The following SNX27 variants were observed in gnomAD, a reference collection of about 807,000 sequenced individuals.
SNX27 encodes sorting nexin 27.
SNX27 carries 22 observed loss-of-function variants against 71.6 expected under a neutral mutation model. The ratio of observed to expected loss-of-function variants is 0.31; its 90% CI spans 0.22 to 0.44. The LOEUF is 0.44. Ranked by LOEUF, SNX27 falls within the 20% of genes least tolerant of loss-of-function variation. The pLI is 1.00. For synonymous variants in SNX27, 269 were observed against 277.2 expected (o/e 0.97, Z 0.29); for missense variants, 531 against 698.6 (o/e 0.76, Z 2.70).
intron 1 of SNX27, among the ~76,000 whole-genome samples, chr1:151,638,386 A>G (rs907122658): frequency 6.6e-6 from 1 of 152,222 alleles, no homozygotes; most frequent in African/African-American, 2.4e-5. Context: ...ATGTAAAGGA[A>G]TTATCTTCAG....
At chr1:151,640,784 A>G (rs1668686662) in intron 2 of SNX27, among the ~76,000 whole-genome samples, 1 of 152,200 alleles carries the variant, frequency 6.6e-6, no homozygotes, top group African/African-American at 2.4e-5. Flanking sequence ...ACATAGTCTT[A>G]TAACCACCAC....
intron 1 of SNX27, among the ~76,000 whole-genome samples, chr1:151,624,081 GC>G (rs1431371453): frequency 6.6e-6 from 1 of 151,928 alleles, no homozygotes; most frequent in Admixed American, 6.6e-5. Flanking sequence ...TTCTGCCTCA[GC>G]CTCCTGAGTA....
chr1:151,693,684 G>A (rs1307094386), intron 11 of SNX27: 1 of 1,611,916 alleles, frequency 6.2e-7, no homozygotes, highest in African/African-American at 1.3e-5. Context: ...GTGCAAAAAA[G>A]CCCTGCTTCT....
intron 2 of SNX27, among the ~76,000 whole-genome samples, chr1:151,648,139 CT>C (rs1669144607): frequency 6.6e-6 from 1 of 152,146 alleles, no homozygotes; most frequent in Non-Finnish European, 1.5e-5. Context: ...CCTGCAACCT[CT>C]GCCTCCCAGG....
chr1:151,693,597 ATTAG>A lies in SNX27; in HGVS notation c.1578+119_1578+122del, dbSNP rs748138783. The stretch of plus-strand genomic sequence containing the variant: ...CCTCCATCTCTGTCTTTCTAGGAAT[ATTAG>A]TTAGAGACTGATTATCTCATGTGAG... On this transcript the variant is annotated intron_variant, in intron 11 of 11. Coordinates refer to ENST00000458013, the MANE Select transcript of SNX27 (RefSeq NM_001330723.2). 1.9e-5 allele frequency: 30 copies of A among 1,614,060 alleles called. No individual in the cohort carries two copies. Among genetic ancestry groups the A allele is most frequent in the Non-Finnish European group, 2.4e-5 (28 of 1,179,940 alleles).
At chr1:151,642,373 C>G (rs958919026) in intron 2 of SNX27, among the ~76,000 whole-genome samples, 16 of 145,290 alleles carry the variant, frequency 1.1e-4, no homozygotes, top group Admixed American at 1.4e-4. Context: ...GGCAACATCT[C>G]AAAAAAGAAA....
At chr1:151,683,249 A>C (rs1671047132) in intron 7 of SNX27, 107 bp from the exon 8 acceptor site, 6 of 802,402 alleles carry the variant, frequency 7.5e-6, no homozygotes, top group Non-Finnish European at 1.2e-5. Context: ...TGGTGGTCCA[A>C]GTGGATAAGA....
intron 2 of SNX27, among the ~76,000 whole-genome samples, chr1:151,651,850 C>T (rs931058473): frequency 2.6e-5 from 4 of 152,052 alleles, no homozygotes; most frequent in Non-Finnish European, 4.4e-5. Context: ...CCAAGGCAGG[C>T]GGCTGGGAGG....
rs1667216178 is a variant in SNX27 at position 151,612,373 on chromosome 1, C to A, written c.172C>A (p.Arg58=). The change falls in exon 1 of 12, where the codon CGG becomes AGG. Residue 58 remains arginine, a synonymous_variant. Coordinates refer to ENST00000458013, the MANE Select transcript of SNX27 (RefSeq NM_001330723.2). The surrounding 1 kb of genome is among the most constrained non-coding windows in gnomAD (Gnocchi z 5.2). ...CGAGTCCGGCTACGGCTTCAACGTG[C>A]GGGGCCAAGTGAGCGAGGGCGGGCA... The part of the protein sequence containing the change: ...KSESGYGFNV[R]GQVSEGGQLR... 6.5e-7 allele frequency: 1 copy of A among 1,544,150 alleles called. No individual in the cohort carries two copies. Among genetic ancestry groups the A allele is most frequent in the South Asian group, 1.2e-5 (1 of 83,400 alleles).
At chr1:151,687,619 A>G (rs993067685) in intron 8 of SNX27, among the ~76,000 whole-genome samples, 9 of 152,122 alleles carry the variant, frequency 5.9e-5, no homozygotes, top group African/African-American at 1.9e-4. Context: ...CCATTCACCT[A>G]AAGTGTTCTG....
In SNX27 at chr1:151,639,054, A is replaced by G; in HGVS notation, c.478A>G (p.Lys160Glu). ...ACAATCATTTTATGATTACACAGAA[A>G]AGCAAGCAGTGCCCATATCGGTCCC... is the stretch of plus-strand genomic sequence containing the variant. ...LGQSFYDYTE[K>E]QAVPISVPRY... Residue 160 changes from lysine to glutamate, a missense_variant, in exon 2 of 12, where the codon AAG (lysine) becomes GAG (glutamate). Physicochemically the swap from Lys to Glu is moderately conservative, Grantham distance 56. Coordinates refer to ENST00000458013, the MANE Select transcript of SNX27 (RefSeq NM_001330723.2). 6.2e-7 allele frequency: 1 copy of G among 1,614,174 alleles called. No homozygotes were observed. The highest frequency in any genetic ancestry group is 8.5e-7 in the Non-Finnish European group (1 of 1,180,040).
At chr1:151,636,969 A>G (rs1198329235) in intron 1 of SNX27, among the ~76,000 whole-genome samples, 1 of 151,978 alleles carries the variant, frequency 6.6e-6, no homozygotes, top group Non-Finnish European at 1.5e-5. Flanking sequence ...CTTCACAGCA[A>G]CTCTGTTAGG....
At chr1:151,630,860 C>T (rs35025291) in intron 1 of SNX27, among the ~76,000 whole-genome samples, 50,383 of 151,980 alleles carry the variant, frequency 0.33, 10,752 homozygotes, top group Non-Finnish European at 0.5. Flanking sequence ...GGTGAAACCC[C>T]GTCTCTACTA....
chr1:151,659,236 T>TTTTTGTTTTG (rs529877354), intron 3 of SNX27, among the ~76,000 whole-genome samples: 5 of 151,974 alleles, frequency 3.3e-5, no homozygotes, highest in African/African-American at 1.2e-4. Context: ...TGTATTGAAT[T>TTTTTGTTTTG]TTTTGTTTTG....
chr1:151,640,839 C>T (rs905918823), intron 2 of SNX27, among the ~76,000 whole-genome samples: 1 of 152,178 alleles, frequency 6.6e-6, no homozygotes, highest in African/African-American at 2.4e-5. Flanking sequence ...TCAAAAGTTC[C>T]CTCATGCCCT....
At chr1:151,638,193 T>G (rs1229815926) in intron 1 of SNX27, among the ~76,000 whole-genome samples, 1 of 152,228 alleles carries the variant, frequency 6.6e-6, no homozygotes, top group East Asian at 1.9e-4. Context: ...TTGGACTGAT[T>G]ACACAGGACT....
chr1:151,643,451 C>T (rs904816783), intron 2 of SNX27, among the ~76,000 whole-genome samples: 2 of 150,556 alleles, frequency 1.3e-5, no homozygotes, highest in Non-Finnish European at 3.0e-5. Context: ...CATAGCACTG[C>T]GTCCAGCTAA....
At chr1:151,694,085 G>C in intron 11 of SNX27, 1 of 1,243,652 alleles carries the variant, frequency 8.0e-7, no homozygotes, top group Non-Finnish European at 1.0e-6. Flanking sequence ...TTTTATCTGG[G>C]TTTTCTCCTG....
chr1:151,641,840 A>G (rs1030050998), intron 2 of SNX27, among the ~76,000 whole-genome samples: 1 of 142,640 alleles, frequency 7.0e-6, no homozygotes, highest in Non-Finnish European at 1.5e-5. Context: ...CTATAGATAT[A>G]TATGAGATAT....
Sources: allele counts gnomAD v4.1 joint callset (sites outside exome capture counted in the v4.1 genomes callset), GRCh38; gene constraint gnomAD v4.1.1; non-coding constraint Gnocchi (gnomAD v3.1); transcripts MANE v1.5; gene names NCBI Gene and HGNC (gene_info 2026-07-23, HGNC 2026-07-21).